The following PCSK6 variants were observed in gnomAD, a reference collection of about 807,000 sequenced individuals.
PCSK6 encodes proprotein convertase subtilisin/kexin type 6, also known as paired basic amino acid cleaving enzyme 4.
PCSK6 carries 85 observed loss-of-function variants against 123.3 expected under a neutral mutation model. The ratio of observed to expected loss-of-function variants is 0.69; its 90% CI spans 0.58 to 0.83. PCSK6 has a LOEUF of 0.83. PCSK6 is among the 40% of genes least tolerant of loss of function. The pLI is 0.00. For missense variants in PCSK6, 1,191 were observed against 1,282.3 expected (o/e 0.93, Z 1.09); for synonymous variants, 508 against 516.0 (o/e 0.98, Z 0.21).
At chr15:101,341,160 C>T (rs918003798) in intron 13 of PCSK6, among the ~76,000 whole-genome samples, 1 of 151,798 alleles carries the variant, frequency 6.6e-6, no homozygotes, top group African/African-American at 2.4e-5. Context: ...GTCTTGAACT[C>T]CGAACCTCAG....
intron 15 of PCSK6, among the ~76,000 whole-genome samples, chr15:101,330,948 G>A (rs1481309761): frequency 2.0e-5 from 3 of 152,218 alleles, no homozygotes; most frequent in East Asian, 1.9e-4. Flanking sequence ...TTTCACAGAA[G>A]ATATTAGATA....
intron 6 of PCSK6, among the ~76,000 whole-genome samples, chr15:101,414,451 T>C (rs2055815484): frequency 6.6e-6 from 1 of 152,194 alleles, no homozygotes; most frequent in South Asian, 2.1e-4. Context: ...TGTAAACTTG[T>C]TAAAAATAAT....
chr15:101,360,664 ACTCCT>A (rs1207285287), intron 13 of PCSK6, among the ~76,000 whole-genome samples: 15 of 126,944 alleles, frequency 1.2e-4, no homozygotes, highest in African/African-American at 4.0e-4. Context: ...CACCAGGCAC[ACTCCT>A]GCCCGGGGGC....
chr15:101,487,742 G>A (rs567504814), intron 1 of PCSK6, among the ~76,000 whole-genome samples: 98 of 152,264 alleles, frequency 6.4e-4, no homozygotes, highest in South Asian at 4.4e-3. Flanking sequence ...GGGGCACTAC[G>A]CAAACATGAG....
Position 101,331,697 on chromosome 15 carries a change from A to C in PCSK6, c.2039-8T>G. ...AGCCTGGGGTGGATTGAGCTGTGTGAGTGCAAATTGCCATGATTATTATGA... is the reference window on the plus strand; with the variant it reads ...AGCCTGGGGTGGATTGAGCTGTGTGCGTGCAAATTGCCATGATTATTATGA... On this transcript the variant is annotated splice_region_variant and splice_polypyrimidine_tract_variant and intron_variant, in intron 14 of 21. Coordinates refer to ENST00000611716, the MANE Select transcript of PCSK6 (RefSeq NM_002570.5). 6.2e-7 allele frequency: 1 copy of C among 1,612,364 alleles called. No homozygotes were observed. Among genetic ancestry groups the C allele is most frequent in the Non-Finnish European group, 8.5e-7 (1 of 1,179,374 alleles).
intron 6 of PCSK6, among the ~76,000 whole-genome samples, chr15:101,417,806 T>A (rs1033201453): frequency 4.0e-5 from 6 of 151,246 alleles, no homozygotes; most frequent in Admixed American, 2.6e-4. Context: ...ATAAAGGAAC[T>A]CAATTAAAAA....
intron 13 of PCSK6, among the ~76,000 whole-genome samples, chr15:101,363,105 G>T (rs2041283833): frequency 4.6e-5 from 7 of 152,198 alleles, no homozygotes; most frequent in Admixed American, 4.6e-4. Flanking sequence ...GAGGGGATGT[G>T]GACTCAGGGG....
At chr15:101,316,736 A>C (rs1244600517) in intron 19 of PCSK6, among the ~76,000 whole-genome samples, 1 of 152,102 alleles carries the variant, frequency 6.6e-6, no homozygotes, top group Non-Finnish European at 1.5e-5. Flanking sequence ...CAATCATAGG[A>C]GGACACTGGC....
chr15:101,431,622 G>A (rs530256707), intron 3 of PCSK6, 159 bp from the exon 4 acceptor site: 79 of 872,726 alleles, frequency 9.1e-5, no homozygotes, highest in African/African-American at 3.3e-4. Context: ...TTTCCCACTC[G>A]GATCGAGAAT....
At chr15:101,407,444 G>A (rs570013674) in intron 6 of PCSK6, among the ~76,000 whole-genome samples, 52 of 152,148 alleles carry the variant, frequency 3.4e-4, no homozygotes, top group African/African-American at 9.6e-4. Context: ...CCAGGGTCTC[G>A]GGATAGTAAA....
chr15:101,439,660 C>G (rs1271726917), intron 2 of PCSK6, among the ~76,000 whole-genome samples: 1 of 152,214 alleles, frequency 6.6e-6, no homozygotes, highest in Non-Finnish European at 1.5e-5. Context: ...GCACACAAAA[C>G]TGTTAGATAA....
intron 4 of PCSK6, among the ~76,000 whole-genome samples, chr15:101,430,799 T>C (rs777425038): frequency 1.3e-5 from 2 of 152,250 alleles, no homozygotes; most frequent in African/African-American, 2.4e-5. Context: ...CAAGCTTGTG[T>C]CCTTACATTT....
Position 101,354,620 on chromosome 15 carries a change from T to C in PCSK6, c.1858+11576A>G, listed in dbSNP as rs182891742. Among the ~76,000 whole-genome samples the C allele has an allele frequency of 1.8e-4, 27 of 152,382 alleles. 1 individual carries two copies. The East Asian group carries it at 4.8e-3, about 27-fold the overall frequency. The stretch of plus-strand genomic sequence containing the variant: ...TCAGACAGTCTTGCATTCTGACCTC[T>C]TCGGAAGAAATGTTTCCCATACATG... On this transcript the variant is annotated intron_variant, in intron 13 of 21. Coordinates refer to ENST00000611716, the MANE Select transcript of PCSK6 (RefSeq NM_002570.5).
At chr15:101,421,127 A>G (rs2056071018) in intron 6 of PCSK6, among the ~76,000 whole-genome samples, 1 of 152,078 alleles carries the variant, frequency 6.6e-6, no homozygotes, top group Non-Finnish European at 1.5e-5. Context: ...TTATATTTTT[A>G]GTAGAGACAG....
At chr15:101,322,668 G>A (rs771942470) in intron 17 of PCSK6, 61 bp from the exon 18 acceptor site, 9 of 1,051,114 alleles carry the variant, frequency 8.6e-6, no homozygotes, top group Non-Finnish European at 1.3e-5. Flanking sequence ...ATGAAATCTG[G>A]GCAAGCAGGC....
Position 101,370,660 on chromosome 15 carries a change from C to G in PCSK6, c.1533-137G>C, listed in dbSNP as rs1040217902. The G allele has an allele frequency of 9.5e-6, 6 of 632,878 alleles. No individual in the cohort carries two copies. The East Asian group carries it at 1.9e-4, about 20-fold the overall frequency. 39.2% of individuals were successfully genotyped at this position (632,878 alleles called of 1,614,324 possible). A position where few individuals can be genotyped will look rare whatever the true frequency, so the allele number is the denominator to read the frequency against. On this transcript the variant is annotated intron_variant, in intron 11 of 21. Coordinates refer to ENST00000611716, the MANE Select transcript of PCSK6 (RefSeq NM_002570.5). ...TGCGGGCCCCGGGGAGCCGCAGCAG[C>G]CTCTGACTGCCTCACGTGGATGCTC...
At chr15:101,406,972 G>T (rs1031553045) in intron 6 of PCSK6, among the ~76,000 whole-genome samples, 2 of 152,136 alleles carry the variant, frequency 1.3e-5, no homozygotes, top group African/African-American at 4.8e-5. Context: ...ACTGAGACTG[G>T]TTCCCCAGTC....
chr15:101,453,650 T>C (rs2057096154), intron 1 of PCSK6, among the ~76,000 whole-genome samples: 1 of 152,224 alleles, frequency 6.6e-6, no homozygotes, highest in Non-Finnish European at 1.5e-5. Flanking sequence ...GTAGCCTGCC[T>C]AACACATGCC....
intron 13 of PCSK6, among the ~76,000 whole-genome samples, chr15:101,359,365 G>A (rs543479867): frequency 6.6e-6 from 1 of 152,044 alleles, no homozygotes; most frequent in African/African-American, 2.4e-5. Context: ...GGTGGAGATC[G>A]ACCTGTGTCA....
Sources: gnomAD v4.1 joint callset for allele counts (sites outside exome capture counted in the v4.1 genomes callset) on GRCh38, gnomAD v4.1.1 for gene constraint, MANE v1.5 for transcripts, NCBI Gene and HGNC (gene_info 2026-07-23, HGNC 2026-07-21) for gene names.